Variants in ARHGAP40 observed in about 807,000 individuals in gnomAD.
ARHGAP40 encodes the protein rho GTPase-activating protein 40.
In ARHGAP40, 43 loss-of-function variants were observed where a neutral mutation model predicts 73.5. That is an observed-to-expected ratio of 0.58 (90% CI 0.46 to 0.75). The LOEUF is 0.75. Ranked by LOEUF, ARHGAP40 falls within the 30% of genes least tolerant of loss-of-function variation. ARHGAP40 has a pLI of 0.00. For synonymous variants in ARHGAP40, 300 were observed against 352.8 expected (o/e 0.85, Z 1.68); for missense variants, 734 against 861.8 (o/e 0.85, Z 1.86).
chr20:38,603,667 C>T lies in ARHGAP40; in HGVS notation c.137+1588C>T, dbSNP rs145078240. On this transcript the variant is annotated intron_variant, in intron 1 of 14. Coordinates refer to ENST00000373345, the Ensembl canonical transcript of ARHGAP40. ...ATCACATAAACTTAGTAGCTTAAAA[C>T]GACACAAATGTGTTATCTGACAGTT... is the stretch of plus-strand genomic sequence containing the variant. 2.7e-3 allele frequency among the ~76,000 whole-genome samples: 415 copies of T among 152,218 alleles called. 2 individuals carry two copies. The highest frequency in any genetic ancestry group is 9.1e-3 in the African/African-American group (377 of 41,520).
At chr20:38,608,149 G>T (rs2088783030) in intron 1 of ARHGAP40, among the ~76,000 whole-genome samples, 2 of 152,128 alleles carry the variant, frequency 1.3e-5, no homozygotes, top group Admixed American at 6.5e-5. Flanking sequence ...TTGGAGAGTT[G>T]TTCTGCACTA....
chr20:38,604,652 C>T (rs779574200), intron 1 of ARHGAP40, among the ~76,000 whole-genome samples: 4 of 152,096 alleles, frequency 2.6e-5, no homozygotes, highest in Non-Finnish European at 5.9e-5. Context: ...CCTTAGCCTC[C>T]CAAAGTGCTG....
chr20:38,638,945 T>C, intron 8 of ARHGAP40, 107 bp downstream of exon 8: 1 of 1,073,134 alleles, frequency 9.3e-7, no homozygotes, highest in Non-Finnish European at 1.3e-6. Flanking sequence ...GATCTGTCTT[T>C]GGTCTCTGTG....
rs371388777 is a variant in ARHGAP40 at position 38,634,655 on chromosome 20, G to A, written c.819G>A (p.Thr273=). 2.0e-5 allele frequency: 26 copies of A among 1,305,438 alleles called. 1 individual carries two copies. In the African/African-American group the frequency reaches 2.3e-4, roughly 11 times the overall value. The allele number at this position is 1,305,438 out of a possible 1,614,324, so 80.9% of individuals were successfully genotyped here. The stretch of plus-strand genomic sequence containing the variant: ...TCCCCAAAGGCAGACTTGGCGTGAC[G>A]AGGATAGGAGACTTGTCCCTGCAGG... Residue 273 remains threonine (T), a synonymous_variant, in exon 6 of 15, where the codon ACG becomes ACA. Transcript: ENST00000373345.
At chr20:38,614,936 T>C in intron 1 of ARHGAP40, 1 of 1,338,948 alleles carries the variant, frequency 7.5e-7, no homozygotes, top group Non-Finnish European at 1.1e-6. Flanking sequence ...GACTGAGTAC[T>C]CTCCGAAGGC....
At chr20:38,641,166 C>G (rs1056021495) in intron 9 of ARHGAP40, among the ~76,000 whole-genome samples, 2 of 152,122 alleles carry the variant, frequency 1.3e-5, no homozygotes, top group African/African-American at 4.8e-5. Context: ...TGCTCAGCCT[C>G]TGTCTCCTAC....
At chr20:38,608,515 C>T (rs1376778801) in intron 1 of ARHGAP40, among the ~76,000 whole-genome samples, 1 of 152,200 alleles carries the variant, frequency 6.6e-6, no homozygotes, top group Non-Finnish European at 1.5e-5. Context: ...GAATGTTTTA[C>T]AGGCCTTACT....
exon 15 of ARHGAP40, chr20:38,650,222 A>G (rs2089081232): frequency 5.0e-6 from 2 of 402,690 alleles, no homozygotes; most frequent in Admixed American, 3.0e-5. Context: ...AGCTTGCTGT[A>G]TGACGCCACC....
chr20:38,629,734 G>A (rs1269204372), intron 5 of ARHGAP40, 84 bp downstream of exon 5: 9 of 1,222,232 alleles, frequency 7.4e-6, no homozygotes, highest in East Asian at 5.8e-5. Context: ...CTTCCACACT[G>A]ACAGGCATCC....
intron 1 of ARHGAP40, among the ~76,000 whole-genome samples, chr20:38,615,654 G>C (rs181086701): frequency 2.6e-5 from 4 of 152,246 alleles, no homozygotes; most frequent in East Asian, 1.9e-4. Flanking sequence ...TTATCTGGGG[G>C]TTGGAGATAG....
At position 38,629,498 on chromosome 20, in the gene ARHGAP40, G is replaced by A. The variant is rs138258666; in HGVS notation, c.635-4G>A. 205 of 1,305,244 alleles carry A rather than the reference G, an allele frequency of 1.6e-4. 1 individual carries two copies. The African/African-American group carries it at 2.3e-3, about 15-fold the overall frequency. 80.9% of individuals were successfully genotyped at this position (1,305,244 alleles called of 1,614,324 possible). A position where few individuals can be genotyped will look rare whatever the true frequency, so the allele number is the denominator to read the frequency against. Reference sequence around the variant, plus strand: ...TTCTCTGCTTTGTTTCCCCCGCCCCGCAGCAGCAGAGCCTGGGGGGCTGCA... The same window carrying A: ...TTCTCTGCTTTGTTTCCCCCGCCCCACAGCAGCAGAGCCTGGGGGGCTGCA... On this transcript the variant is annotated splice_region_variant and splice_polypyrimidine_tract_variant and intron_variant, in intron 4 of 14. Coordinates refer to ENST00000373345, the Ensembl canonical transcript of ARHGAP40.
chr20:38,608,633 T>C (rs2088787088), intron 1 of ARHGAP40, among the ~76,000 whole-genome samples: 1 of 152,188 alleles, frequency 6.6e-6, no homozygotes, highest in Admixed American at 6.5e-5. Context: ...CTTCAGGGCC[T>C]TGGTCCTTAG....
intron 5 of ARHGAP40, among the ~76,000 whole-genome samples, chr20:38,631,225 T>C (rs1336947791): frequency 6.8e-6 from 1 of 147,872 alleles, no homozygotes; most frequent in African/African-American, 2.5e-5. Flanking sequence ...GGCAGGAGGA[T>C]CACTTGTACC....
At chr20:38,606,725 A>G (rs1053204131) in intron 1 of ARHGAP40, among the ~76,000 whole-genome samples, 2 of 152,202 alleles carry the variant, frequency 1.3e-5, no homozygotes, top group Non-Finnish European at 2.9e-5. Context: ...TAGCTTGTAG[A>G]ATCAATCACC....
intron 6 of ARHGAP40, among the ~76,000 whole-genome samples, chr20:38,635,352 C>A (rs1007038913): frequency 6.6e-6 from 1 of 151,828 alleles, no homozygotes; most frequent in Non-Finnish European, 1.5e-5. Flanking sequence ...ATGTGTGTAT[C>A]CTTTTTTCAC....
At chr20:38,603,411 A>ATCTG (rs775572121) in intron 1 of ARHGAP40, among the ~76,000 whole-genome samples, 3 of 35,112 alleles carry the variant, frequency 8.5e-5, no homozygotes, top group East Asian at 5.0e-4. Flanking sequence ...TTATCTGTCT[A>ATCTG]TCTATCTATC....
intron 13 of ARHGAP40, 33 bp from the exon 14 acceptor site, chr20:38,648,610 G>A (rs1356948676): frequency 2.3e-6 from 3 of 1,292,098 alleles, no homozygotes; most frequent in East Asian, 1.1e-4. Context: ...GAAAAAGGCA[G>A]TAGTTTTTTT....
intron 1 of ARHGAP40, chr20:38,615,264 A>T (rs2088828438): frequency 2.6e-6 from 2 of 768,734 alleles, no homozygotes; most frequent in Non-Finnish European, 4.8e-6. Flanking sequence ...ATCTTCTCCA[A>T]CTTTTCTATG....
At chr20:38,611,478 C>T (rs2088804675) in intron 1 of ARHGAP40, among the ~76,000 whole-genome samples, 1 of 139,452 alleles carries the variant, frequency 7.2e-6, no homozygotes, top group Admixed American at 7.8e-5. Context: ...AGTGCAGTAA[C>T]ACAATCATAG....
Sources: allele counts gnomAD v4.1 joint callset (sites outside exome capture counted in the v4.1 genomes callset), GRCh38; gene constraint gnomAD v4.1.1; transcripts MANE v1.5; gene names NCBI Gene and HGNC (gene_info 2026-07-23, HGNC 2026-07-21).